Variants in GABRA5 observed in about 807,000 individuals in gnomAD.
GABRA5 encodes the protein gamma-aminobutyric acid receptor subunit alpha-5.
Under a neutral mutation model 47.3 loss-of-function variants are expected in GABRA5, and 18 were observed. That is an observed-to-expected ratio of 0.38 (90% CI 0.26 to 0.56). The LOEUF (loss-of-function observed/expected upper bound fraction) is 0.56. GABRA5 is among the 20% of genes least tolerant of loss of function. GABRA5 has a pLI of 0.71. For missense variants in GABRA5, 365 were observed against 599.3 expected, an observed-to-expected ratio of 0.61 and a Z score of 4.08; for synonymous variants, 237 against 229.3, an observed-to-expected ratio of 1.03 and a Z score of -0.30.
chr15:26,904,499 G>C (rs1893396762), intron 6 of GABRA5, among the ~76,000 whole-genome samples: 1 of 152,096 alleles, frequency 6.6e-6, no homozygotes, highest in South Asian at 2.1e-4. Flanking sequence ...CTGTTGTGAA[G>C]AATGTCATTG....
In GABRA5 at chr15:26,883,103, C is replaced by T. The variant is rs1341146819; in HGVS notation, c.209-63C>T. On this transcript the variant is annotated intron_variant, in intron 4 of 10. Coordinates refer to ENST00000335625, the MANE Select transcript of GABRA5 (RefSeq NM_000810.4). The surrounding 1 kb of genome is among the most constrained non-coding windows in gnomAD (Gnocchi z 4.8). Reference sequence around the variant, plus strand: ...GACCCTGGTTACTGGACTGAGAGCACGAGAGTGTGCCAGACGCGCAGGGTG... The same window carrying T: ...GACCCTGGTTACTGGACTGAGAGCATGAGAGTGTGCCAGACGCGCAGGGTG... 1 of 1,356,794 alleles carries T rather than the reference C, an allele frequency of 7.4e-7. No individual in the cohort carries two copies. The highest frequency in any genetic ancestry group is 1.1e-6 in the Non-Finnish European group (1 of 945,358). 84.0% of individuals were successfully genotyped at this position (1,356,794 alleles called of 1,614,324 possible).
intron 6 of GABRA5, among the ~76,000 whole-genome samples, chr15:26,906,627 G>A (rs865799604): frequency 6.6e-6 from 1 of 151,888 alleles, no homozygotes; most frequent in Non-Finnish European, 1.5e-5. Context: ...ATTTCTTAAC[G>A]TTAAACTTTG....
In GABRA5 at chr15:26,948,010, C is replaced by T. The variant is rs779089481; in HGVS notation, c.1166C>T (p.Pro389Leu). 1.0e-5 allele frequency: 16 copies of T among 1,601,628 alleles called. No individual in the cohort carries two copies. The highest frequency in any genetic ancestry group is 8.0e-5 in the African/African-American group (6 of 74,718). ...TGKMSHPPNIPKEQTPAGTSN... is the reference protein window; with the variant it reads ...TGKMSHPPNILKEQTPAGTSN... ...AAGATGTCTCACCCCCCAAACATTCCGAAGGAACAGACCCCAGCAGGGACG... is the reference window on the plus strand; with the variant it reads ...AAGATGTCTCACCCCCCAAACATTCTGAAGGAACAGACCCCAGCAGGGACG... The change falls in exon 11 of 11, where the codon CCG becomes CTG. Residue 389 changes from proline to leucine, a missense_variant. Physicochemically the swap from Pro to Leu is moderately conservative, Grantham distance 98. Coordinates refer to ENST00000335625, the MANE Select transcript of GABRA5 (RefSeq NM_000810.4).
chr15:26,914,486 T>C (rs918123253), intron 6 of GABRA5, among the ~76,000 whole-genome samples: 1 of 152,208 alleles, frequency 6.6e-6, no homozygotes, highest in African/African-American at 2.4e-5. Flanking sequence ...AGCTTTATGA[T>C]AATGCTCAAT....
At chr15:26,934,775 A>T (rs995025216) in intron 7 of GABRA5, among the ~76,000 whole-genome samples, 2 of 152,142 alleles carry the variant, frequency 1.3e-5, no homozygotes, top group Non-Finnish European at 2.9e-5. Flanking sequence ...AGTTATTCAG[A>T]AGACCCATGG....
chr15:26,909,385 A>G (rs1233927849), intron 6 of GABRA5, among the ~76,000 whole-genome samples: 2 of 152,224 alleles, frequency 1.3e-5, no homozygotes, highest in African/African-American at 2.4e-5. Context: ...TAAGGGAAAC[A>G]TATTGACAGG....
chr15:26,875,210 G>C (rs1371015090), intron 3 of GABRA5, among the ~76,000 whole-genome samples: 4 of 152,190 alleles, frequency 2.6e-5, no homozygotes, highest in Non-Finnish European at 5.9e-5. Flanking sequence ...GAGACTCCTG[G>C]GGTTTACTGG....
intron 6 of GABRA5, among the ~76,000 whole-genome samples, chr15:26,910,478 T>C (rs1201191639): frequency 6.6e-6 from 1 of 151,790 alleles, no homozygotes; most frequent in African/African-American, 2.4e-5. Context: ...CGGACACCTG[T>C]AATCCCAGCT....
intron 7 of GABRA5, among the ~76,000 whole-genome samples, chr15:26,931,762 A>G (rs149559263): frequency 5.0e-4 from 76 of 152,362 alleles, no homozygotes; most frequent in African/African-American, 1.4e-3. Context: ...GGAAAGAGGT[A>G]TAACGGAAAA....
chr15:26,897,667 A>G (rs1449382560), intron 6 of GABRA5, among the ~76,000 whole-genome samples: 1 of 152,150 alleles, frequency 6.6e-6, no homozygotes, highest in Admixed American at 6.5e-5. Flanking sequence ...GATAACACTT[A>G]AAGTTTCAGG....
intron 6 of GABRA5, among the ~76,000 whole-genome samples, chr15:26,899,907 G>A (rs1269736535): frequency 6.6e-6 from 1 of 151,984 alleles, no homozygotes; most frequent in Non-Finnish European, 1.5e-5. Context: ...CTGAAAGGAA[G>A]GACTTTCTAC....
At chr15:26,905,706 C>A (rs1255973116) in intron 6 of GABRA5, among the ~76,000 whole-genome samples, 1 of 151,818 alleles carries the variant, frequency 6.6e-6, no homozygotes, top group Non-Finnish European at 1.5e-5. Context: ...TGGATGATTT[C>A]ATTTGACTTA....
In GABRA5 at chr15:26,948,298, T is replaced by C; in HGVS notation, c.*65T>C. The C allele has an allele frequency of 6.7e-7, 1 of 1,495,350 alleles. No homozygotes were observed. The highest frequency in any genetic ancestry group is 2.3e-5 in the East Asian group (1 of 43,294). The allele number at this position is 1,495,350 out of a possible 1,614,324, so 92.6% of individuals were successfully genotyped here. On this transcript the variant is annotated 3_prime_UTR_variant, in exon 11 of 11. Coordinates refer to ENST00000335625, the MANE Select transcript of GABRA5 (RefSeq NM_000810.4). Reference sequence around the variant, plus strand: ...GCGAAATGGTACCAAGGAGAGGTCTTGCTCACAGGGACTCTCCATATGTGA... The same window carrying C: ...GCGAAATGGTACCAAGGAGAGGTCTCGCTCACAGGGACTCTCCATATGTGA...
At chr15:26,887,312 G>T (rs1892902206) in intron 6 of GABRA5, among the ~76,000 whole-genome samples, 1 of 152,150 alleles carries the variant, frequency 6.6e-6, no homozygotes, top group South Asian at 2.1e-4. Context: ...AACAAACTAG[G>T]TTTCCATGAT....
chr15:26,924,632 T>A (rs1893916712), intron 7 of GABRA5, among the ~76,000 whole-genome samples: 1 of 152,148 alleles, frequency 6.6e-6, no homozygotes, highest in Non-Finnish European at 1.5e-5. Context: ...ACTCCATCAG[T>A]GGGTTGGGCA....
chr15:26,912,692 G>T (rs544401943), intron 6 of GABRA5, among the ~76,000 whole-genome samples: 3 of 152,194 alleles, frequency 2.0e-5, no homozygotes, highest in African/African-American at 7.2e-5. Flanking sequence ...ATTATATAAA[G>T]ATTTTGGTGA....
At chr15:26,916,643 A>G (rs1455256799) in intron 7 of GABRA5, among the ~76,000 whole-genome samples, 1 of 152,158 alleles carries the variant, frequency 6.6e-6, no homozygotes, top group Non-Finnish European at 1.5e-5. Context: ...ATTGTATTGA[A>G]TCTAAAGATC....
At chr15:26,936,307 G>C (rs1894241944) in intron 7 of GABRA5, among the ~76,000 whole-genome samples, 1 of 152,038 alleles carries the variant, frequency 6.6e-6, no homozygotes, top group Non-Finnish European at 1.5e-5. Flanking sequence ...ACTGCCCTAA[G>C]CTTTGGGCTC....
At chr15:26,879,673 T>G (rs753101695) in intron 3 of GABRA5, among the ~76,000 whole-genome samples, 7 of 152,190 alleles carry the variant, frequency 4.6e-5, no homozygotes, top group Non-Finnish European at 1.0e-4. Flanking sequence ...TCAATAAAAA[T>G]GACTGACTTT....
Sources: gnomAD v4.1 joint callset for allele counts (sites outside exome capture counted in the v4.1 genomes callset) on GRCh38, gnomAD v4.1.1 for gene constraint, Gnocchi (gnomAD v3.1) non-coding constraint, MANE v1.5 for transcripts, NCBI Gene and HGNC (gene_info 2026-07-23, HGNC 2026-07-21) for gene names.